The following ADGRV1 variants were observed in gnomAD, a reference collection of about 807,000 sequenced individuals.
ADGRV1 encodes the protein G-protein coupled receptor 98.
Under a neutral mutation model 596.2 loss-of-function variants are expected in ADGRV1, and 359 were observed. That is an observed-to-expected ratio of 0.60 (90% CI 0.55 to 0.66). ADGRV1 has a LOEUF of 0.66. Among genes scored for constraint, ADGRV1 ranks in the 30% least tolerant of loss-of-function variants. ADGRV1 has a pLI of 0.00. For synonymous variants in ADGRV1, 2,681 were observed against 2,679.2 expected (o/e 1.00, Z -0.02); for missense variants, 7,274 against 7,575.6 (o/e 0.96, Z 1.48).
At position 90,628,700 on chromosome 5, in the gene ADGRV1, A is replaced by G; in HGVS notation, c.1377A>G (p.Ala459=). 6.2e-7 allele frequency: 1 copy of G among 1,614,034 alleles called. No homozygotes were observed. The part of the protein sequence containing the change: ...IRPSSGVLHF[A]QGQMLATIPL... Reference sequence around the variant, plus strand: ...CGAGCTCTGGAGTTCTCCATTTTGCACAAGGGCAGATGTTGGCAACAATTC... The same window carrying G: ...CGAGCTCTGGAGTTCTCCATTTTGCGCAAGGGCAGATGTTGGCAACAATTC... The change falls in exon 8 of 90, where the codon GCA becomes GCG. Residue 459 remains alanine (A), a synonymous_variant. Transcript: ENST00000405460.
rs761838479 is a variant in ADGRV1 at position 90,694,188 on chromosome 5, G to GACTTT, written c.7436_7437insTACTT (p.Trp2480ThrfsTer9). 1.2e-6 allele frequency: 2 copies of GACTTT among 1,613,842 alleles called. No homozygotes were observed. The highest frequency in any genetic ancestry group is 3.3e-5 in the Admixed American group (2 of 59,950). On this transcript the variant is annotated frameshift_variant, in exon 33 of 90. Coordinates refer to ENST00000405460, the MANE Select transcript of ADGRV1 (RefSeq NM_032119.4). LOFTEE classifies it high-confidence loss of function. ...GATCAGCCCAGCTGTCAACAATTCA[G>GACTTT]ACTTCTGGACCTACAGGAAAAACAT... is the stretch of plus-strand genomic sequence containing the variant.
At chr5:90,689,589 A>G (rs1054684363) in intron 29 of ADGRV1, among the ~76,000 whole-genome samples, 1 of 152,054 alleles carries the variant, frequency 6.6e-6, no homozygotes, top group African/African-American at 2.4e-5. Context: ...ATTTATATAA[A>G]TAGACCAAAT....
At chr5:91,159,950 A>C (rs1020446055) in intron 89 of ADGRV1, among the ~76,000 whole-genome samples, 1 of 152,202 alleles carries the variant, frequency 6.6e-6, no homozygotes, top group Non-Finnish European at 1.5e-5. Flanking sequence ...AGATTCCTGA[A>C]AATGTCAAGC....
chr5:90,679,635 C>T lies in ADGRV1; in HGVS notation c.5524+6C>T. On this transcript the variant is annotated splice_donor_region_variant and intron_variant, in intron 26 of 89. Transcript: ENST00000405460. ...TCCAACTATTCACAAACGTGGTAAG[C>T]AGTTTTTCCAAGGTCCTTTACTATT... The T allele has an allele frequency of 1.9e-6, 3 of 1,605,948 alleles. No homozygotes were observed. The highest frequency in any genetic ancestry group is 2.6e-6 in the Non-Finnish European group (3 of 1,173,048).
intron 9 of ADGRV1, among the ~76,000 whole-genome samples, chr5:90,632,889 T>C (rs1038646015): frequency 3.3e-5 from 5 of 152,174 alleles, no homozygotes; most frequent in Non-Finnish European, 5.9e-5. Flanking sequence ...TCAAAACAGC[T>C]GTAGGTTCTG....
chr5:91,144,968 C>T (rs1795409486), intron 87 of ADGRV1, among the ~76,000 whole-genome samples: 1 of 152,224 alleles, frequency 6.6e-6, no homozygotes, highest in Non-Finnish European at 1.5e-5. Flanking sequence ...ATTTAACATG[C>T]AGTGTTTGGA....
At chr5:91,128,385 TA>T (rs1405231291) in intron 87 of ADGRV1, among the ~76,000 whole-genome samples, 1 of 152,082 alleles carries the variant, frequency 6.6e-6, no homozygotes, top group Non-Finnish European at 1.5e-5. Flanking sequence ...AGCCCCATCA[TA>T]AGTCTAGAAA....
intron 36 of ADGRV1, among the ~76,000 whole-genome samples, chr5:90,705,126 A>C (rs1580802611): frequency 6.6e-6 from 1 of 152,148 alleles, no homozygotes; most frequent in Non-Finnish European, 1.5e-5. Context: ...GTCATTTTTA[A>C]GCAAATTATC....
intron 21 of ADGRV1, among the ~76,000 whole-genome samples, chr5:90,668,218 GC>G (rs1425922757): frequency 6.6e-6 from 1 of 151,576 alleles, no homozygotes; most frequent in African/African-American, 2.4e-5. Context: ...CCTCGCTGCC[GC>G]CTTGCAGTTT....
chr5:90,759,376 C>A, intron 57 of ADGRV1, 33 bp from the exon 58 acceptor site: 1 of 1,401,468 alleles, frequency 7.1e-7, no homozygotes, highest in Non-Finnish European at 9.9e-7. Flanking sequence ...CTTTTCCTCC[C>A]TCTCTTTCTC....
At chr5:91,018,329 G>A (rs1783345412) in intron 85 of ADGRV1, among the ~76,000 whole-genome samples, 1 of 151,922 alleles carries the variant, frequency 6.6e-6, no homozygotes, top group South Asian at 2.1e-4. Flanking sequence ...AGTTCCTTCT[G>A]CTGTCCCGGG....
In ADGRV1 at chr5:90,756,724, T is replaced by C. The variant is rs905691326; in HGVS notation, c.11757+94T>C. On this transcript the variant is annotated intron_variant, in intron 56 of 89. Transcript: ENST00000405460. The stretch of plus-strand genomic sequence containing the variant: ...TGTTTAGCTTTGCCTGTATTTATTT[T>C]TAAATAGATAAATAACCAAATTTGT... 6.5e-6 allele frequency: 7 copies of C among 1,083,342 alleles called. No individual in the cohort carries two copies. The African/African-American group carries it at 1.1e-4, about 17-fold the overall frequency. 67.1% of individuals were successfully genotyped at this position (1,083,342 alleles called of 1,614,324 possible).
In ADGRV1 at chr5:90,703,812, A is replaced by G; in HGVS notation, c.8286+17A>G. The G allele has an allele frequency of 6.4e-7, 1 of 1,559,858 alleles. No individual in the cohort carries two copies. The highest frequency in any genetic ancestry group is 1.2e-5 in the South Asian group (1 of 82,584). On this transcript the variant is annotated intron_variant, in intron 35 of 89. Transcript: ENST00000405460. ...TTTCCTGAGGTAATACTGCAAAGAA[A>G]AGTCGATCACAAATATCTAGAAAGA...
Position 90,729,336 on chromosome 5 carries a change from T to G in ADGRV1, c.10427-306T>G, listed in dbSNP as rs6887943. Among the ~76,000 whole-genome samples, 5,195 of 152,218 alleles carry G rather than the reference T, an allele frequency of 0.034. 306 individuals carry two copies. The highest frequency in any genetic ancestry group is 0.12 in the African/African-American group (4,879 of 41,520). On this transcript the variant is annotated intron_variant, in intron 49 of 89. Transcript: ENST00000405460. Reference sequence around the variant, plus strand: ...TTCAGAATATTCTTGGAAGGAAAATTTGCTTTCTGCTGCTGAGTAGAACTT... The same window carrying G: ...TTCAGAATATTCTTGGAAGGAAAATGTGCTTTCTGCTGCTGAGTAGAACTT...
intron 83 of ADGRV1, among the ~76,000 whole-genome samples, chr5:90,900,000 G>T (rs921993877): frequency 6.6e-6 from 1 of 152,146 alleles, no homozygotes; most frequent in African/African-American, 2.4e-5. Context: ...TAACCGATCC[G>T]TCAGGTTTCC....
chr5:90,643,766 A>G (rs1179566527), intron 13 of ADGRV1, 37 bp from the exon 14 acceptor site: 1 of 1,476,316 alleles, frequency 6.8e-7, no homozygotes, highest in Admixed American at 2.2e-5. Context: ...TGAAAAGTCA[A>G]CTTTATAATT....
chr5:91,111,865 A>AATG (rs751291484), intron 87 of ADGRV1, among the ~76,000 whole-genome samples: 22 of 152,208 alleles, frequency 1.4e-4, no homozygotes, highest in Non-Finnish European at 2.9e-4. Flanking sequence ...CAGAGAGACT[A>AATG]ATGAATGCCT....
chr5:90,984,427 T>C (rs972979744), intron 84 of ADGRV1, among the ~76,000 whole-genome samples: 2 of 152,146 alleles, frequency 1.3e-5, no homozygotes, highest in Non-Finnish European at 2.9e-5. Context: ...AGGTGTGGGA[T>C]TTGGAGCCAA....
chr5:90,583,927 G>A (rs1758401372), intron 1 of ADGRV1, among the ~76,000 whole-genome samples: 1 of 152,152 alleles, frequency 6.6e-6, no homozygotes, highest in South Asian at 2.1e-4. Flanking sequence ...TTTCCCATAT[G>A]ACTATTAGTA....
Sources: allele counts gnomAD v4.1 joint callset (sites outside exome capture counted in the v4.1 genomes callset), GRCh38; gene constraint gnomAD v4.1.1; transcripts MANE v1.5; gene names NCBI Gene and HGNC (gene_info 2026-07-23, HGNC 2026-07-21).